The following LY96 variants were observed in gnomAD, a reference collection of about 807,000 sequenced individuals.
LY96 encodes the protein myeloid differentiation protein-2.
LY96 carries 18 observed loss-of-function variants against 18.9 expected under a neutral mutation model. That is an observed-to-expected ratio of 0.95 (90% CI 0.66 to 1.41). The LOEUF is 1.41. LY96 is among the 40% of genes most tolerant of loss of function. The pLI, the probability that LY96 is intolerant of heterozygous loss-of-function variation, is 0.00. For missense variants in LY96, 175 were observed against 182.4 expected, an observed-to-expected ratio of 0.96 and a Z score of 0.23; for synonymous variants, 66 against 62.6, an observed-to-expected ratio of 1.06 and a Z score of -0.26.
the LY96 span, among the ~76,000 whole-genome samples, chr8:74,094,524 A>G: frequency 6.6e-6 from 1 of 152,192 alleles, no homozygotes; most frequent in African/African-American, 2.4e-5. Flanking sequence ...TTCTTTTCAA[A>G]TGTGCTACAA....
At chr8:74,074,682 G>A in the LY96 span, among the ~76,000 whole-genome samples, 1 of 151,958 alleles carries the variant, frequency 6.6e-6, no homozygotes, top group Non-Finnish European at 1.5e-5. Context: ...TTGGTATGTT[G>A]TGTTTCTATT....
chr8:74,004,118 C>T (rs1412936304), intron 1 of LY96, among the ~76,000 whole-genome samples: 1 of 152,056 alleles, frequency 6.6e-6, no homozygotes, highest in African/African-American at 2.4e-5. Flanking sequence ...TCTGGGGATC[C>T]CCAGAGAAAT....
the LY96 span, among the ~76,000 whole-genome samples, chr8:74,052,157 G>GT: frequency 2.0e-5 from 3 of 152,230 alleles, no homozygotes; most frequent in Admixed American, 6.5e-5. Context: ...TGGATGGAAG[G>GT]TTTTTGCCAG....
At chr8:73,996,374 T>TTCC (rs1563707871) in intron 1 of LY96, among the ~76,000 whole-genome samples, 44 of 36,932 alleles carry the variant, frequency 1.2e-3, no homozygotes, top group East Asian at 2.3e-3. Context: ...CCTTCATTCC[T>TTCC]TTCTTTCTTT....
At chr8:74,027,613 T>C (rs1360942236) in intron 4 of LY96, among the ~76,000 whole-genome samples, 25 of 152,190 alleles carry the variant, frequency 1.6e-4, no homozygotes, top group Admixed American at 1.6e-3. Context: ...AATAGCAAGA[T>C]GCAGATGAAC....
At chr8:74,072,848 G>T in the LY96 span, among the ~76,000 whole-genome samples, 12,950 of 152,236 alleles carry the variant, frequency 0.085, 959 homozygotes, top group African/African-American at 0.21. Context: ...GGAGCCTGCA[G>T]GAGTTCAGAG....
the LY96 span, among the ~76,000 whole-genome samples, chr8:74,096,500 T>A: frequency 2.9e-4 from 44 of 152,334 alleles, no homozygotes; most frequent in African/African-American, 1.0e-3. Flanking sequence ...AAATCTCTGA[T>A]GTCATTTTCT....
At chr8:73,994,359 C>T (rs1198120514) in intron 1 of LY96, among the ~76,000 whole-genome samples, 7 of 152,190 alleles carry the variant, frequency 4.6e-5, no homozygotes, top group African/African-American at 1.7e-4. Context: ...AAATGCATCA[C>T]CTGTGGGAAG....
intron 1 of LY96, 50 bp from the exon 2 acceptor site, chr8:74,004,746 A>C (rs773029207): frequency 6.8e-7 from 1 of 1,468,062 alleles, no homozygotes; most frequent in Non-Finnish European, 9.5e-7. Flanking sequence ...TACTATACTT[A>C]ATGGAGATGA....
At chr8:74,044,189 C>A in the LY96 span, among the ~76,000 whole-genome samples, 1 of 149,662 alleles carries the variant, frequency 6.7e-6, no homozygotes, top group African/African-American at 2.5e-5. Context: ...AAAAAATTTT[C>A]TTTTTCTTTT....
downstream of LY96, among the ~76,000 whole-genome samples, chr8:74,029,556 G>A (rs1235392121): frequency 6.6e-6 from 1 of 152,108 alleles, no homozygotes; most frequent in African/African-American, 2.4e-5. Flanking sequence ...TCACCTTCCT[G>A]CCACCATACG....
At chr8:74,009,202 C>T (rs1240275872) in intron 2 of LY96, among the ~76,000 whole-genome samples, 1 of 151,024 alleles carries the variant, frequency 6.6e-6, no homozygotes, top group Non-Finnish European at 1.5e-5. Flanking sequence ...CAAGACCAGC[C>T]TGGCCAAGAT....
the LY96 span, among the ~76,000 whole-genome samples, chr8:74,035,859 C>G: frequency 1.6e-4 from 25 of 152,254 alleles, no homozygotes; most frequent in African/African-American, 5.3e-4. Flanking sequence ...CTGGAAGCCC[C>G]TCAACCTCTT....
chr8:74,007,094 G>T (rs1991262), intron 2 of LY96, among the ~76,000 whole-genome samples: 2 of 152,102 alleles, frequency 1.3e-5, no homozygotes, highest in African/African-American at 4.8e-5. Context: ...ACACTCTTGG[G>T]CTGGGCCAAA....
chr8:74,089,896 A>AGCAAAGGGGTTAGCAAGT, the LY96 span, among the ~76,000 whole-genome samples: 494 of 152,284 alleles, frequency 3.2e-3, no homozygotes, highest in African/African-American at 0.012. Flanking sequence ...TAAGCATCCA[A>AGCAAAGGGGTTAGCAAGT]GCAAAGGCCC....
At position 74,011,102 on chromosome 8, in the gene LY96, T is replaced by C. The variant is rs115862780; in HGVS notation, c.331+973T>C. 7.3e-3 allele frequency among the ~76,000 whole-genome samples: 1,112 copies of C among 152,298 alleles called. 9 individuals are homozygous for C. Among genetic ancestry groups the C allele is most frequent in the African/African-American group, 0.025 (1,050 of 41,558 alleles). On this transcript the variant is annotated intron_variant, in intron 3 of 4. Coordinates refer to ENST00000284818, the MANE Select transcript of LY96 (RefSeq NM_015364.5). ...TGAACCTAATTTGAGCAAATCGTGA[T>C]TTACGTTCTGGTTATCTGAAGTTGA... is the stretch of plus-strand genomic sequence containing the variant.
chr8:74,079,181 G>A, the LY96 span, among the ~76,000 whole-genome samples: 1 of 152,168 alleles, frequency 6.6e-6, no homozygotes, highest in Non-Finnish European at 1.5e-5. Context: ...CTTGAGCTGG[G>A]ACATCTATCT....
intron 3 of LY96, among the ~76,000 whole-genome samples, chr8:74,014,242 C>A (rs972878027): frequency 6.7e-6 from 1 of 148,812 alleles, no homozygotes; most frequent in Non-Finnish European, 1.5e-5. Flanking sequence ...AGGTGAAACA[C>A]CATCTCTGAA....
chr8:74,096,738 T>A, the LY96 span, among the ~76,000 whole-genome samples: 1 of 152,218 alleles, frequency 6.6e-6, no homozygotes, highest in East Asian at 1.9e-4. Flanking sequence ...TGATGGTATA[T>A]GACACATAGC....
Sources: gnomAD v4.1 joint callset for allele counts (sites outside exome capture counted in the v4.1 genomes callset) on GRCh38, gnomAD v4.1.1 for gene constraint, MANE v1.5 for transcripts, NCBI Gene and HGNC (gene_info 2026-07-23, HGNC 2026-07-21) for gene names.